The following HAP1 variants were observed in gnomAD, a reference collection of about 807,000 sequenced individuals.
HAP1 encodes huntingtin-associated protein 1.
In HAP1, 59 loss-of-function variants were observed where a neutral mutation model predicts 60.3. The observed-to-expected ratio is 0.98, with a 90% CI of 0.79 to 1.22. The LOEUF is 1.22. Among genes scored for constraint, HAP1 ranks in the 50% most tolerant of loss-of-function variants. The pLI is 0.00. For missense variants in HAP1, 825 were observed against 785.3 expected (o/e 1.05, Z -0.60); for synonymous variants, 346 against 330.6 (o/e 1.05, Z -0.50).
chr17:41,734,387 G>C lies in HAP1; in HGVS notation c.248C>G (p.Pro83Arg). 2.5e-6 allele frequency: 4 copies of C among 1,605,062 alleles called. No individual in the cohort carries two copies. The highest frequency in any genetic ancestry group is 3.4e-6 in the Non-Finnish European group (4 of 1,173,664). The change falls in exon 1 of 11, where the codon CCG becomes CGG. Residue 83 changes from proline (P) to arginine (R), a missense_variant. Physicochemically the swap from Pro to Arg is moderately radical, Grantham distance 103. Coordinates refer to ENST00000347901, the MANE Select transcript of HAP1 (RefSeq NM_177977.3). ...EAGAKAGARR[P>R]SAFSAIQGDV... ...CCCTTGGATGGCCGAGAATGCGGAC[G>C]GGCGCCGGGCTCCTGCCTTGGCTCC... is the stretch of plus-strand genomic sequence containing the variant.
rs1911411515 is a variant in HAP1 at position 41,724,125 on chromosome 17, G to A, written c.*576C>T. 1 of 153,390 alleles carries A rather than the reference G, an allele frequency of 6.5e-6. No homozygotes were observed. The highest frequency in any genetic ancestry group is 1.9e-4 in the East Asian group (1 of 5,198). The allele number at this position is 153,390 out of a possible 1,614,324, so 9.5% of individuals were successfully genotyped here. A position where few individuals can be genotyped will look rare whatever the true frequency, so the allele number is the denominator to read the frequency against. On this transcript the variant is annotated 3_prime_UTR_variant, in exon 11 of 11. Coordinates refer to ENST00000347901, the MANE Select transcript of HAP1 (RefSeq NM_177977.3). ...CCAGACTTTGGGGTTTCTGGCTGGGGAGAGGAGACCCTGTTCCACCCCACA... is the reference window on the plus strand; with the variant it reads ...CCAGACTTTGGGGTTTCTGGCTGGGAAGAGGAGACCCTGTTCCACCCCACA...
intron 1 of HAP1, 107 bp downstream of exon 1, chr17:41,734,059 G>T: frequency 2.4e-6 from 2 of 843,024 alleles, no homozygotes; most frequent in South Asian, 3.7e-5. Context: ...GTGGACGGGT[G>T]ACACTGAGTG....
chr17:41,732,540 G>A, intron 2 of HAP1, 146 bp from the exon 3 acceptor site: 2 of 991,984 alleles, frequency 2.0e-6, no homozygotes, highest in East Asian at 4.9e-5. Context: ...AAGAAGATCA[G>A]ACCAGATTGG....
chr17:41,717,875 T>A (rs780314623), downstream of HAP1: 1 of 418,048 alleles, frequency 2.4e-6, no homozygotes, highest in Non-Finnish European at 5.4e-6. Context: ...TAATTGCTCA[T>A]GAGTGGCTGG....
At chr17:41,726,266 T>C (rs1911616145) in intron 9 of HAP1, among the ~76,000 whole-genome samples, 1 of 151,802 alleles carries the variant, frequency 6.6e-6, no homozygotes, top group South Asian at 2.1e-4. Flanking sequence ...ATACAAAAAT[T>C]AGCCGGGCGT....
rs1911782939 is a variant in HAP1, at chr17:41,727,768, CT to C, written c.1268del (p.Gln423ArgfsTer21). The C allele has an allele frequency of 6.2e-7, 1 of 1,608,788 alleles. No individual in the cohort carries two copies. Among genetic ancestry groups the C allele is most frequent in the African/African-American group, 1.3e-5 (1 of 74,856 alleles). On this transcript the variant is annotated frameshift_variant, in exon 8 of 11. Coordinates refer to ENST00000347901, the MANE Select transcript of HAP1 (RefSeq NM_177977.3). LOFTEE classifies it high-confidence loss of function. ...AGCCGGCAGCGAGACTCACCTCTTC[CT>C]GGAGCTGCATCTGGATTTCCTTCTC... is the stretch of plus-strand genomic sequence containing the variant. ...ASEKEIQMQL[Q>X]EEETLPGFQE... is the part of the protein sequence containing the mutation.
At chr17:41,719,003 G>A (rs1299990894), downstream of HAP1, among the ~76,000 whole-genome samples, 1 of 152,108 alleles carries the variant, frequency 6.6e-6, no homozygotes, top group Non-Finnish European at 1.5e-5. Context: ...TTTTGAGACA[G>A]AGTCTTGCTC....
intron 5 of HAP1, 36 bp downstream of exon 5, chr17:41,731,602 C>A (rs782713099): frequency 1.9e-6 from 3 of 1,603,660 alleles, no homozygotes; most frequent in African/African-American, 2.7e-5. Context: ...GTCAACACCC[C>A]CTGCTAGCAG....
At position 41,732,330 on chromosome 17, in the gene HAP1, T is replaced by C. The variant is rs782676401; in HGVS notation, c.614A>G (p.Asn205Ser). 2 of 1,614,020 alleles carry C rather than the reference T, an allele frequency of 1.2e-6. No homozygotes were observed. The highest frequency in any genetic ancestry group is 1.7e-6 in the Non-Finnish European group (2 of 1,179,908). ...GMVLQRERDLNTAARIGQSLV... is the reference protein window; with the variant it reads ...GMVLQRERDLSTAARIGQSLV... ...GGACTGGCCGATGCGAGCTGCAGTG[T>C]TCAGGTCCCTCTCTCTCTGCAGGAC... Residue 205 changes from asparagine (N) to serine (S), a missense_variant, in exon 3 of 11, where the codon AAC becomes AGC. Asn to Ser is a conservative substitution (Grantham distance 46). Coordinates refer to ENST00000347901, the MANE Select transcript of HAP1 (RefSeq NM_177977.3).
At chr17:41,728,105 G>A (rs1047372489) in intron 7 of HAP1, 96 bp downstream of exon 7, 42 of 1,402,600 alleles carry the variant, frequency 3.0e-5, no homozygotes, top group Admixed American at 2.4e-4. Flanking sequence ...ACACAGAAAG[G>A]GACCTCAGGC....
In HAP1 at chr17:41,734,482, T is replaced by A. The variant is rs1555592158; in HGVS notation, c.153A>T (p.Gly51=). 1.9e-6 allele frequency: 3 copies of A among 1,611,934 alleles called. No homozygotes were observed. Among genetic ancestry groups the A allele is most frequent in the Non-Finnish European group, 1.7e-6 (2 of 1,179,436 alleles). The change falls in exon 1 of 11, where the codon GGA becomes GGT. Residue 51 remains glycine (G), a synonymous_variant. Coordinates refer to ENST00000347901, the MANE Select transcript of HAP1 (RefSeq NM_177977.3). ...ACTGGGATCCAGAGGTGGCTCGGGA[T>A]CCTACTCTCTGTCCAGTGCCCCGTG... ...PQARGTGQRV[G]SRATSGSQFL...
In HAP1 at chr17:41,731,805, C is replaced by T. The variant is rs569140579; in HGVS notation, c.897-62G>A. The T allele has an allele frequency of 3.0e-4, 374 of 1,247,570 alleles. 1 individual carries two copies. The South Asian group carries it at 4.1e-3, about 14-fold the overall frequency. 77.3% of individuals were successfully genotyped at this position (1,247,570 alleles called of 1,614,324 possible). ...GTGGGGCTTCCCAGTTCCCAGCCCA[C>T]CAGGGCTAAGGGCAGTGTTCTCAAT... is the stretch of plus-strand genomic sequence containing the variant. On this transcript the variant is annotated intron_variant, in intron 4 of 10. Transcript: ENST00000347901.
At chr17:41,732,142 T>C (rs782485523) in intron 3 of HAP1, 24 bp from the exon 4 acceptor site, 27 of 1,613,002 alleles carry the variant, frequency 1.7e-5, no homozygotes, top group Non-Finnish European at 1.6e-5. Context: ...AGAGGAGCCA[T>C]GGGTTGGGAG....
At chr17:41,732,204 C>T (rs781876908) in intron 3 of HAP1, 26 bp downstream of exon 3, 1 of 1,610,398 alleles carries the variant, frequency 6.2e-7, no homozygotes, top group African/African-American at 1.3e-5. Flanking sequence ...GATTGGCCCG[C>T]TATCCTCTCC....
downstream of HAP1, among the ~76,000 whole-genome samples, chr17:41,720,473 G>A (rs1911155714): frequency 6.6e-6 from 1 of 152,204 alleles, no homozygotes; most frequent in Non-Finnish European, 1.5e-5. Flanking sequence ...AGGATTACAG[G>A]CATGAGCCAC....
At chr17:41,727,286 G>A (rs1555589127) in intron 8 of HAP1, 142 bp from the exon 9 acceptor site, 3 of 780,726 alleles carry the variant, frequency 3.8e-6, no homozygotes, top group Non-Finnish European at 7.2e-6. Context: ...GCAGCCAGGG[G>A]AGGGTCCTCA....
At chr17:41,732,925 C>T in intron 1 of HAP1, 127 bp from the exon 2 acceptor site, 1 of 668,678 alleles carries the variant, frequency 1.5e-6, no homozygotes, top group Non-Finnish European at 2.8e-6. Flanking sequence ...GGAGAGAAGA[C>T]TGGGCTCCCC....
downstream of HAP1, chr17:41,717,886 T>C: frequency 2.4e-6 from 1 of 424,424 alleles, no homozygotes; most frequent in South Asian, 1.6e-5. Context: ...GAGTGGCTGG[T>C]GCAGGCATTG....
Position 41,723,818 on chromosome 17 carries a change from G to C in HAP1, c.*883C>G, listed in dbSNP as rs868968809. ...TGGGACGGGTACCAGGACAGCACTA[G>C]AGGGGAGGGATGGGCCAGTGAAGGT... On this transcript the variant is annotated 3_prime_UTR_variant, in exon 11 of 11. Transcript: ENST00000347901. 5 of 152,480 alleles carry C rather than the reference G, an allele frequency of 3.3e-5. No individual in the cohort carries two copies. The highest frequency in any genetic ancestry group is 1.2e-4 in the African/African-American group (5 of 41,454). 9.4% of individuals were successfully genotyped at this position (152,480 alleles called of 1,614,324 possible). A position where few individuals can be genotyped will look rare whatever the true frequency, so the allele number is the denominator to read the frequency against.
Sources: gnomAD v4.1 joint callset for allele counts (sites outside exome capture counted in the v4.1 genomes callset) on GRCh38, gnomAD v4.1.1 for gene constraint, MANE v1.5 for transcripts, NCBI Gene and HGNC (gene_info 2026-07-23, HGNC 2026-07-21) for gene names.